DPP4: variants seen among roughly 807,000 people sequenced by gnomAD.
DPP4 encodes ADCP-2.
Under a neutral mutation model 122.4 loss-of-function variants are expected in DPP4, and 93 were observed. The ratio of observed to expected loss-of-function variants is 0.76; its 90% confidence interval spans 0.64 to 0.90. The LOEUF (loss-of-function observed/expected upper bound fraction) is 0.90, where lower values mean the gene tolerates loss of function less well. DPP4 is among the 40% of genes least tolerant of loss of function. The pLI, the probability that DPP4 is intolerant of heterozygous loss-of-function variation, is 0.00. For missense variants in DPP4, 914 were observed against 907.3 expected, an observed-to-expected ratio of 1.01 and a Z score of -0.09; for synonymous variants, 321 against 302.9, an observed-to-expected ratio of 1.06 and a Z score of -0.62.
chr2:162,074,087 C>A lies in DPP4; in HGVS notation c.-106G>T, dbSNP rs1054712538. ...GCACCGCTGCTCCGGGCGGTGGAGT[C>A]ACTCGCCGCTGGCAAGTTTCGGCCC... On this transcript the variant is annotated 5_prime_UTR_variant, in exon 1 of 26. An upstream open reading frame in the 5' UTR loses its in-frame stop. Transcript: ENST00000360534. The A allele has an allele frequency of 2.9e-5, 44 of 1,497,848 alleles. No homozygotes were observed. The highest frequency in any genetic ancestry group is 3.8e-5 in the Non-Finnish European group (43 of 1,123,718). 92.8% of individuals were successfully genotyped at this position (1,497,848 alleles called of 1,614,324 possible).
intron 23 of DPP4, among the ~76,000 whole-genome samples, chr2:162,004,440 C>T (rs989030770): frequency 2.0e-5 from 3 of 152,042 alleles, no homozygotes; most frequent in Non-Finnish European, 2.9e-5. Flanking sequence ...GAAATGGGGA[C>T]AATCTAATTA....
rs147653550 is a variant in DPP4, at chr2:162,062,872, A to G, written c.94+10527T>C. Reference sequence around the variant, plus strand: ...AGGAAGAAAATTCATCATATCCACAATCTCAGAGATTAGTACACAGGAGCG... The same window carrying G: ...AGGAAGAAAATTCATCATATCCACAGTCTCAGAGATTAGTACACAGGAGCG... On this transcript the variant is annotated intron_variant, in intron 2 of 25. Coordinates refer to ENST00000360534, the MANE Select transcript of DPP4 (RefSeq NM_001935.4). Among the ~76,000 whole-genome samples, 359 of 152,108 alleles carry G rather than the reference A, an allele frequency of 2.4e-3. 1 individual carries two copies. Among genetic ancestry groups the G allele is most frequent in the African/African-American group, 8.4e-3 (347 of 41,488 alleles).
intron 23 of DPP4, among the ~76,000 whole-genome samples, chr2:162,003,822 G>A (rs1401418662): frequency 6.6e-6 from 1 of 152,150 alleles, no homozygotes; most frequent in African/African-American, 2.4e-5. Context: ...CGAAGGCAAA[G>A]AATACAATGT....
intron 2 of DPP4, among the ~76,000 whole-genome samples, chr2:162,066,617 C>G (rs1684955539): frequency 6.6e-6 from 1 of 152,176 alleles, no homozygotes. Flanking sequence ...AGGGCTAGAT[C>G]TTAGCTCATT....
chr2:162,016,679 A>G (rs1177133897), intron 18 of DPP4, 89 bp downstream of exon 18: 3 of 814,360 alleles, frequency 3.7e-6, no homozygotes, highest in Non-Finnish European at 5.6e-6. Flanking sequence ...TATATATAAT[A>G]TGAAATACAT....
intron 5 of DPP4, among the ~76,000 whole-genome samples, chr2:162,044,948 T>TTTTC (rs776414898): frequency 6.0e-5 from 9 of 151,048 alleles, no homozygotes; most frequent in African/African-American, 1.7e-4. Flanking sequence ...TTCCTTTTCT[T>TTTTC]TTTCTTTCTT....
chr2:162,003,264 G>T (rs1389147278), intron 23 of DPP4, among the ~76,000 whole-genome samples: 3 of 152,100 alleles, frequency 2.0e-5, no homozygotes. Context: ...AACACCTAAA[G>T]GGGGAGATGG....
chr2:162,037,706 G>C (rs747779563), intron 8 of DPP4, among the ~76,000 whole-genome samples: 15 of 152,052 alleles, frequency 9.9e-5, no homozygotes, highest in Non-Finnish European at 1.5e-4. Flanking sequence ...GTTCCTAATA[G>C]TTTCGACAAC....
At chr2:162,007,702 T>A (rs1213838606) in intron 22 of DPP4, among the ~76,000 whole-genome samples, 1 of 152,136 alleles carries the variant, frequency 6.6e-6, no homozygotes, top group Admixed American at 6.6e-5. Context: ...CAGAAAAATA[T>A]TATGAAAACA....
At chr2:162,046,859 T>C in intron 4 of DPP4, 56 bp downstream of exon 4, 1 of 1,131,554 alleles carries the variant, frequency 8.8e-7, no homozygotes, top group Non-Finnish European at 1.3e-6. Flanking sequence ...ATTCCAAAGG[T>C]AATGAAAAAA....
intron 10 of DPP4, among the ~76,000 whole-genome samples, chr2:162,029,848 G>T (rs562895423): frequency 3.7e-4 from 57 of 152,216 alleles, no homozygotes; most frequent in Admixed American, 2.7e-3. Context: ...TAAAAGGAGG[G>T]ATTTCTATGC....
At chr2:162,018,571 G>A (rs1425478752) in intron 16 of DPP4, among the ~76,000 whole-genome samples, 158 bp downstream of exon 16, 1 of 152,184 alleles carries the variant, frequency 6.6e-6, no homozygotes, top group Non-Finnish European at 1.5e-5. Flanking sequence ...AGTGATAAGG[G>A]GAAGAAAAGA....
chr2:162,002,385 TG>T (rs1701171632), intron 23 of DPP4, among the ~76,000 whole-genome samples: 1 of 152,232 alleles, frequency 6.6e-6, no homozygotes, highest in African/African-American at 2.4e-5. Flanking sequence ...TATTAAAAAC[TG>T]CATTTTCTTC....
At chr2:161,996,368 G>A (rs142682149) in intron 23 of DPP4, among the ~76,000 whole-genome samples, 55 of 152,312 alleles carry the variant, frequency 3.6e-4, no homozygotes, top group African/African-American at 1.2e-3. Context: ...CAGCCAGCTC[G>A]TCCTGCAGCA....
chr2:162,054,071 C>T (rs1269778529), intron 2 of DPP4, among the ~76,000 whole-genome samples: 1 of 152,184 alleles, frequency 6.6e-6, no homozygotes, highest in African/African-American at 2.4e-5. Context: ...AACCCAACCC[C>T]CACCCTAGCA....
At chr2:162,028,359 C>G (rs373701276) in intron 10 of DPP4, among the ~76,000 whole-genome samples, 1 of 152,154 alleles carries the variant, frequency 6.6e-6, no homozygotes, top group South Asian at 2.1e-4. Flanking sequence ...AAGACCCCAT[C>G]TCAAAATAAA....
intron 4 of DPP4, 142 bp from the exon 5 acceptor site, chr2:162,045,754 C>A: frequency 1.6e-6 from 1 of 611,552 alleles, no homozygotes; most frequent in Non-Finnish European, 2.9e-6. Context: ...GCATATTCAC[C>A]CACACAAATG....
chr2:161,999,517 C>T (rs1187178515), intron 23 of DPP4, among the ~76,000 whole-genome samples: 8 of 152,112 alleles, frequency 5.3e-5, no homozygotes, highest in South Asian at 2.1e-4. Context: ...CGGAGAGCCC[C>T]GCTGCCAGCA....
chr2:162,068,951 C>A (rs1054294271), intron 2 of DPP4, among the ~76,000 whole-genome samples: 6 of 152,112 alleles, frequency 3.9e-5, no homozygotes, highest in Non-Finnish European at 8.8e-5. Flanking sequence ...CATGAGTGAG[C>A]TTGGAAGGGG....
Sources: gnomAD v4.1 joint callset for allele counts (sites outside exome capture counted in the v4.1 genomes callset) on GRCh38, gnomAD v4.1.1 for gene constraint, MANE v1.5 for transcripts, NCBI Gene and HGNC (gene_info 2026-07-23, HGNC 2026-07-21) for gene names.